Variants in NUDCD1 observed in about 807,000 individuals in gnomAD.
NUDCD1 encodes the protein nudC domain-containing protein 1.
A neutral mutation model predicts 67.8 loss-of-function variants in NUDCD1; 60 were observed. The observed-to-expected ratio is 0.88, with a 90% CI of 0.72 to 1.10. The LOEUF (loss-of-function observed/expected upper bound fraction) is 1.10, where lower values mean the gene tolerates loss of function less well. Ranked by LOEUF, NUDCD1 falls within the 50% of genes least tolerant of loss-of-function variation. The probability of loss-of-function intolerance (pLI) is 0.00; values close to 1 mark genes in which losing one functional copy is unlikely to be tolerated. For synonymous variants in NUDCD1, 244 were observed against 230.8 expected (o/e 1.06, Z -0.52); for missense variants, 643 against 695.0 (o/e 0.93, Z 0.84).
At chr8:109,319,238 G>C (rs950222074) in intron 2 of NUDCD1, among the ~76,000 whole-genome samples, 4 of 152,124 alleles carry the variant, frequency 2.6e-5, no homozygotes, top group African/African-American at 9.7e-5. Flanking sequence ...CTCCCAAAGT[G>C]CTGGGATTAC....
chr8:109,319,346 G>A (rs1815478666), intron 2 of NUDCD1, among the ~76,000 whole-genome samples: 1 of 152,162 alleles, frequency 6.6e-6, no homozygotes, highest in Non-Finnish European at 1.5e-5. Context: ...GTCTATGGCT[G>A]ATTTCACACT....
chr8:109,243,354 G>T, intron 9 of NUDCD1, 53 bp from the exon 10 acceptor site: 1 of 1,354,148 alleles, frequency 7.4e-7, no homozygotes, highest in Non-Finnish European at 1.0e-6. Flanking sequence ...AACAGAAGGG[G>T]AAAAATGATG....
rs546579014 is a variant in NUDCD1, at chr8:109,324,168, A to G, written c.119-1705T>C. ...GGAGAAAATATTTGCAAACTATTCA[A>G]TCGTAAGGAATGAAAATTTTTTTTG... On this transcript the variant is annotated intron_variant, in intron 1 of 9. Transcript: ENST00000239690. 5.3e-5 allele frequency among the ~76,000 whole-genome samples: 8 copies of G among 152,050 alleles called. No individual in the cohort carries two copies. In the South Asian group the frequency reaches 1.7e-3, roughly 32 times the overall value.
chr8:109,305,862 C>T (rs1043343637), intron 2 of NUDCD1, among the ~76,000 whole-genome samples: 2 of 152,144 alleles, frequency 1.3e-5, no homozygotes, highest in Admixed American at 6.5e-5. Context: ...AGCCAGCCAG[C>T]CTGATTTCTC....
At chr8:109,271,870 A>G (rs1181609663) in intron 7 of NUDCD1, among the ~76,000 whole-genome samples, 1 of 152,184 alleles carries the variant, frequency 6.6e-6, no homozygotes, top group Non-Finnish European at 1.5e-5. Context: ...AGGCCGGAAT[A>G]CAATGGTGGA....
chr8:109,275,580 T>C (rs1814267167), intron 6 of NUDCD1, 84 bp from the exon 7 acceptor site: 3 of 1,307,500 alleles, frequency 2.3e-6, no homozygotes, highest in Non-Finnish European at 1.1e-6. Flanking sequence ...TTTGTTTCTA[T>C]CTTCTATAGA....
chr8:109,275,587 T>C (rs1448096747), intron 6 of NUDCD1, 91 bp from the exon 7 acceptor site: 4 of 1,226,422 alleles, frequency 3.3e-6, no homozygotes, highest in Admixed American at 4.6e-5. Context: ...CTATCTTCTA[T>C]AGAAAGAACC....
intron 2 of NUDCD1, among the ~76,000 whole-genome samples, chr8:109,303,405 C>G (rs1232677143): frequency 3.3e-5 from 5 of 152,202 alleles, no homozygotes; most frequent in Non-Finnish European, 5.9e-5. Flanking sequence ...CTCCACATTA[C>G]CTTCTTTTCA....
At chr8:109,272,043 AAAG>A (rs1401899874) in intron 7 of NUDCD1, among the ~76,000 whole-genome samples, 20 of 152,258 alleles carry the variant, frequency 1.3e-4, no homozygotes, top group Middle Eastern at 3.4e-3. Flanking sequence ...AAAAATGCTA[AAAG>A]AAGCTCTCAA....
intron 8 of NUDCD1, among the ~76,000 whole-genome samples, chr8:109,264,133 C>T (rs74596823): frequency 0.024 from 3,694 of 152,210 alleles, 139 homozygotes; most frequent in African/African-American, 0.084. Flanking sequence ...ACTTGGGAAT[C>T]GTTTGAGTTG....
chr8:109,302,197 A>G (rs945433850), intron 2 of NUDCD1, among the ~76,000 whole-genome samples: 4 of 152,150 alleles, frequency 2.6e-5, no homozygotes, highest in Non-Finnish European at 2.9e-5. Context: ...CCTGGCCCCA[A>G]TACAAACTAA....
At position 109,281,087 on chromosome 8, in the gene NUDCD1, T is replaced by C. The variant is rs768004060; in HGVS notation, c.909A>G (p.Gln303=). ...TGATGTGATCAGGCAAAAACTGTAT[T>C]TGAATGTCCTCCTTAGTACTGTCTT... The part of the protein sequence containing the change: ...LPEDSTKEDI[Q]IQFLPDHINI... Residue 303 remains glutamine, a synonymous_variant, in exon 6 of 10, where the codon CAA becomes CAG. Coordinates refer to ENST00000239690, the MANE Select transcript of NUDCD1 (RefSeq NM_032869.4). 2 of 1,613,340 alleles carry C rather than the reference T, an allele frequency of 1.2e-6. No homozygotes were observed. Among genetic ancestry groups the C allele is most frequent in the Non-Finnish European group, 1.7e-6 (2 of 1,179,374 alleles).
At chr8:109,328,664 G>A (rs961757200) in intron 1 of NUDCD1, among the ~76,000 whole-genome samples, 4 of 152,042 alleles carry the variant, frequency 2.6e-5, no homozygotes, top group Admixed American at 6.6e-5. Context: ...GTCTTGCCTC[G>A]GTAGTGGGAA....
chr8:109,318,998 C>A (rs1290795092), intron 2 of NUDCD1, among the ~76,000 whole-genome samples: 1 of 149,562 alleles, frequency 6.7e-6, no homozygotes, highest in Non-Finnish European at 1.5e-5. Context: ...TGCTCTGTGG[C>A]CCAGGCTGGA....
At chr8:109,253,820 T>C (rs1345058085) in intron 8 of NUDCD1, among the ~76,000 whole-genome samples, 2 of 152,134 alleles carry the variant, frequency 1.3e-5, no homozygotes, top group East Asian at 1.9e-4. Context: ...TATAATCCTA[T>C]AGACACAGAA....
At chr8:109,255,331 G>A (rs1299199056) in intron 8 of NUDCD1, among the ~76,000 whole-genome samples, 1 of 151,966 alleles carries the variant, frequency 6.6e-6, no homozygotes, top group Non-Finnish European at 1.5e-5. Context: ...TAAATCCTGG[G>A]TTGCATTTTT....
In NUDCD1 at chr8:109,309,873, A is replaced by AC. The variant is rs1563680697; in HGVS notation, c.273+12435_273+12436insG. On this transcript the variant is annotated intron_variant, in intron 2 of 9. Transcript: ENST00000239690. Reference sequence around the variant, plus strand: ...CCCTTTTACAATAGCTGCCAAAAAAAAAACAAAACAAACAAACAAAAAAAA... The same window carrying AC: ...CCCTTTTACAATAGCTGCCAAAAAAACAAACAAAACAAACAAACAAAAAAAA... 2.8e-4 allele frequency among the ~76,000 whole-genome samples: 40 copies of AC among 142,282 alleles called. No individual in the cohort carries two copies. The East Asian group carries it at 3.2e-3, about 11-fold the overall frequency. 93.3% of individuals were successfully genotyped at this position (142,282 alleles called of 152,430 possible).
chr8:109,331,620 A>G lies in NUDCD1; in HGVS notation c.118+2273T>C, dbSNP rs144212282. 5.3e-3 allele frequency among the ~76,000 whole-genome samples: 803 copies of G among 152,330 alleles called. 10 individuals are homozygous for G. The highest frequency in any genetic ancestry group is 0.019 in the African/African-American group (770 of 41,570). On this transcript the variant is annotated intron_variant, in intron 1 of 9. Coordinates refer to ENST00000239690, the MANE Select transcript of NUDCD1 (RefSeq NM_032869.4). ...TTAACGCTGATGAAATGAGTACGGA[A>G]CAAGGACAACTTTGTGAATTTTTTC... is the stretch of plus-strand genomic sequence containing the variant.
In NUDCD1 at chr8:109,304,610, G is replaced by A. The variant is rs527813950; in HGVS notation, c.274-8041C>T. Among the ~76,000 whole-genome samples, 9 of 152,270 alleles carry A rather than the reference G, an allele frequency of 5.9e-5. No individual in the cohort carries two copies. In the South Asian group the frequency reaches 6.2e-4, roughly 11 times the overall value. On this transcript the variant is annotated intron_variant, in intron 2 of 9. Coordinates refer to ENST00000239690, the MANE Select transcript of NUDCD1 (RefSeq NM_032869.4). ...TGCCTTCCATATCCTGCACCACCATGCTGTTATATGGGCTGAAAGAGGGTT... is the reference window on the plus strand; with the variant it reads ...TGCCTTCCATATCCTGCACCACCATACTGTTATATGGGCTGAAAGAGGGTT...
Sources: gnomAD v4.1 joint callset for allele counts (sites outside exome capture counted in the v4.1 genomes callset) on GRCh38, gnomAD v4.1.1 for gene constraint, MANE v1.5 for transcripts, NCBI Gene and HGNC (gene_info 2026-07-23, HGNC 2026-07-21) for gene names.